Variants in PXDNL observed in about 807,000 individuals in gnomAD.
PXDNL encodes probable oxidoreductase PXDNL.
PXDNL carries 145 observed loss-of-function variants against 150.8 expected under a neutral mutation model. That is an observed-to-expected ratio of 0.96 (90% confidence interval 0.84 to 1.10). PXDNL has a LOEUF of 1.10. PXDNL is among the 50% of genes least tolerant of loss of function. PXDNL has a pLI of 0.00. For synonymous variants in PXDNL, 757 were observed against 725.7 expected, an observed-to-expected ratio of 1.04 and a Z score of -0.69; for missense variants, 2,087 against 1,873.9, an observed-to-expected ratio of 1.11 and a Z score of -2.10.
chr8:51,549,707 T>C (rs928147300), intron 4 of PXDNL, among the ~76,000 whole-genome samples: 8 of 150,374 alleles, frequency 5.3e-5, no homozygotes, highest in Non-Finnish European at 1.0e-4. Flanking sequence ...GTTCATAGCA[T>C]TAAATGCATA....
At chr8:51,673,465 T>G (rs1815542178) in intron 1 of PXDNL, among the ~76,000 whole-genome samples, 1 of 152,180 alleles carries the variant, frequency 6.6e-6, no homozygotes, top group Non-Finnish European at 1.5e-5. Context: ...AAAAATATAC[T>G]TATAGGCTTC....
At chr8:51,560,892 A>T (rs1812702762) in intron 3 of PXDNL, among the ~76,000 whole-genome samples, 1 of 151,760 alleles carries the variant, frequency 6.6e-6, no homozygotes, top group Non-Finnish European at 1.5e-5. Context: ...TCTGATAAGG[A>T]GTTAATATCC....
At chr8:51,488,674 G>GAA (rs1810823166) in intron 5 of PXDNL, among the ~76,000 whole-genome samples, 1 of 152,102 alleles carries the variant, frequency 6.6e-6, no homozygotes, top group South Asian at 2.1e-4. Flanking sequence ...ACACCAAAGG[G>GAA]AAAATTTTGT....
chr8:51,809,039 ATTGT>A, intron 1 of PXDNL, 138 bp downstream of exon 1: 1 of 810,474 alleles, frequency 1.2e-6, no homozygotes, highest in South Asian at 1.7e-5. Context: ...GAACCATGAA[ATTGT>A]TTGAAAAGTG....
intron 1 of PXDNL, among the ~76,000 whole-genome samples, chr8:51,767,020 T>C (rs1292796935): frequency 6.6e-6 from 1 of 152,098 alleles, no homozygotes; most frequent in East Asian, 1.9e-4. Flanking sequence ...TTTTAAATAA[T>C]TTATACCTCT....
intron 19 of PXDNL, among the ~76,000 whole-genome samples, chr8:51,358,761 C>A (rs1563372600): frequency 6.6e-6 from 1 of 152,188 alleles, no homozygotes; most frequent in Non-Finnish European, 1.5e-5. Flanking sequence ...CCCTCCCCCA[C>A]AACCCCAGGG....
At chr8:51,793,900 C>A (rs893208859) in intron 1 of PXDNL, among the ~76,000 whole-genome samples, 2 of 151,350 alleles carry the variant, frequency 1.3e-5, no homozygotes, top group African/African-American at 4.9e-5. Context: ...ACAACAACAA[C>A]AACAACAACA....
In PXDNL at chr8:51,565,282, C is replaced by CTAAATAAATAAATAAA. The variant is rs60659791; in HGVS notation, c.309-8387_309-8372dup. On this transcript the variant is annotated intron_variant, in intron 3 of 22. Transcript: ENST00000356297. ...CCCTTCAGCTGCAATATATCTTTTC[C>CTAAATAAATAAATAAA]TAAATAAATAAATAAATAAATAAAT... is the stretch of plus-strand genomic sequence containing the variant. Among the ~76,000 whole-genome samples the CTAAATAAATAAATAAA allele has an allele frequency of 2.6e-3, 347 of 132,564 alleles. 1 individual carries two copies. The highest frequency in any genetic ancestry group is 8.0e-3 in the East Asian group (36 of 4,526). The allele number at this position is 132,564 out of a possible 152,430, so 87.0% of individuals were successfully genotyped here.
chr8:51,767,666 C>A (rs2037246420), intron 1 of PXDNL, among the ~76,000 whole-genome samples: 1 of 152,052 alleles, frequency 6.6e-6, no homozygotes, highest in Admixed American at 6.5e-5. Flanking sequence ...CAAATCTTTA[C>A]TGCATATTTG....
At chr8:51,800,986 A>T (rs1238307775) in intron 1 of PXDNL, among the ~76,000 whole-genome samples, 2 of 152,230 alleles carry the variant, frequency 1.3e-5, no homozygotes, top group East Asian at 3.8e-4. Context: ...ACAAGGGAAG[A>T]CAACCAAAGG....
chr8:51,409,553 A>G lies in PXDNL; in HGVS notation c.2071T>C (p.Tyr691His). ...GAGCGCGGGGACACCAAGTCATTGT[A>G]CCGGAATTCTGAAAGGCAAGCGGCG... is the stretch of plus-strand genomic sequence containing the variant. The part of the protein sequence containing the change: ...TVDLEGKEFR[Y>H]NDLVSPRSLS... Residue 691 changes from tyrosine to histidine, a missense_variant, in exon 17 of 23, where the codon TAC becomes CAC. By Grantham distance (83) the Tyr-to-His change is moderately conservative (BLOSUM62 2). Coordinates refer to ENST00000356297, the MANE Select transcript of PXDNL (RefSeq NM_144651.5). The G allele has an allele frequency of 1.3e-6, 2 of 1,570,768 alleles. No individual in the cohort carries two copies. The highest frequency in any genetic ancestry group is 1.7e-6 in the Non-Finnish European group (2 of 1,156,682).
chr8:51,551,874 C>T lies in PXDNL; in HGVS notation c.380+4966G>A, dbSNP rs1472475070. On this transcript the variant is annotated intron_variant, in intron 4 of 22. Coordinates refer to ENST00000356297, the MANE Select transcript of PXDNL (RefSeq NM_144651.5). ...TCTGCCCTGCAAAAGAAGCAATCAG[C>T]AAAGTAAAAGACAGCCCACAGAGTG... Among the ~76,000 whole-genome samples the T allele has an allele frequency of 2.0e-5, 3 of 152,092 alleles. No individual in the cohort carries two copies. In the South Asian group the frequency reaches 6.2e-4, roughly 31 times the overall value.
intron 1 of PXDNL, among the ~76,000 whole-genome samples, chr8:51,700,406 C>T (rs1439394297): frequency 6.6e-6 from 1 of 151,866 alleles, no homozygotes; most frequent in African/African-American, 2.4e-5. Flanking sequence ...TATAAATACA[C>T]ACACACAAAC....
intron 4 of PXDNL, among the ~76,000 whole-genome samples, chr8:51,521,771 A>C (rs1323599640): frequency 6.6e-6 from 1 of 152,164 alleles, no homozygotes; most frequent in Non-Finnish European, 1.5e-5. Flanking sequence ...AAGAAAAAAG[A>C]AAAAAAGATA....
At chr8:51,463,121 C>T (rs1340153259) in intron 8 of PXDNL, among the ~76,000 whole-genome samples, 2 of 152,142 alleles carry the variant, frequency 1.3e-5, no homozygotes, top group South Asian at 2.1e-4. Flanking sequence ...TATAAGAGGA[C>T]CTTAAGGGAG....
intron 12 of PXDNL, among the ~76,000 whole-genome samples, chr8:51,436,663 C>G (rs530355892): frequency 1.3e-5 from 2 of 152,206 alleles, no homozygotes; most frequent in South Asian, 4.1e-4. Flanking sequence ...TTGAGCTGAA[C>G]AATAATACCC....
chr8:51,321,009 G>T, intron 21 of PXDNL, 112 bp from the exon 22 acceptor site: 1 of 775,702 alleles, frequency 1.3e-6, no homozygotes, highest in Non-Finnish European at 2.1e-6. Flanking sequence ...CACCTAGAAG[G>T]CAAAAGAAAC....
chr8:51,638,707 C>T (rs1814667208), intron 2 of PXDNL, among the ~76,000 whole-genome samples: 1 of 152,172 alleles, frequency 6.6e-6, no homozygotes, highest in Non-Finnish European at 1.5e-5. Flanking sequence ...GAAGCAAGTA[C>T]TTAGAGACCT....
chr8:51,488,347 A>G (rs1417299373), intron 5 of PXDNL, among the ~76,000 whole-genome samples: 1 of 152,140 alleles, frequency 6.6e-6, no homozygotes, highest in East Asian at 1.9e-4. Context: ...CAGAGACCCC[A>G]AACAGTTACG....
Sources: allele counts gnomAD v4.1 joint callset (sites outside exome capture counted in the v4.1 genomes callset), GRCh38; gene constraint gnomAD v4.1.1; transcripts MANE v1.5; gene names NCBI Gene and HGNC (gene_info 2026-07-23, HGNC 2026-07-21).